ZFPM2: variants seen among roughly 807,000 people sequenced by gnomAD.
The protein encoded by ZFPM2 is zinc finger protein ZFPM2.
In ZFPM2, 20 loss-of-function variants were observed where a neutral mutation model predicts 98.6. The observed-to-expected ratio is 0.20, with a 90% CI of 0.14 to 0.29. The LOEUF is 0.29. Among genes scored for constraint, ZFPM2 ranks in the 10% least tolerant of loss-of-function variants. The pLI, the probability that ZFPM2 is intolerant of heterozygous loss-of-function variation, is 1.00. For missense variants in ZFPM2, 1,310 were observed against 1,388.6 expected (o/e 0.94, Z 0.90); for synonymous variants, 518 against 502.7 (o/e 1.03, Z -0.41).
chr8:105,487,134 A>T (rs1000540844), intron 3 of ZFPM2, among the ~76,000 whole-genome samples: 1 of 152,014 alleles, frequency 6.6e-6, no homozygotes, highest in African/African-American at 2.4e-5. Context: ...TATTTTTGAG[A>T]TAGAGTCTCT....
At chr8:105,655,422 G>A (rs6983902) in intron 5 of ZFPM2, among the ~76,000 whole-genome samples, 72,340 of 151,286 alleles carry the variant, frequency 0.48, 17,570 homozygotes, top group African/African-American at 0.57. Flanking sequence ...GTAGAGACGG[G>A]GTTTCTCCAC....
At chr8:105,535,517 T>C (rs1349787357) in intron 3 of ZFPM2, among the ~76,000 whole-genome samples, 1 of 152,182 alleles carries the variant, frequency 6.6e-6, no homozygotes, top group Non-Finnish European at 1.5e-5. Context: ...TTTTGTTTGC[T>C]TTGGAAACCA....
intron 3 of ZFPM2, among the ~76,000 whole-genome samples, chr8:105,530,854 C>T (rs998554501): frequency 1.3e-5 from 2 of 152,040 alleles, no homozygotes; most frequent in African/African-American, 4.8e-5. Context: ...GTGAGCTCTA[C>T]AATGTAAGGT....
At chr8:105,568,948 A>G (rs891967367) in intron 4 of ZFPM2, among the ~76,000 whole-genome samples, 2 of 151,946 alleles carry the variant, frequency 1.3e-5, no homozygotes, top group African/African-American at 4.8e-5. Flanking sequence ...ACATTTGGTC[A>G]TGCTGTTTTA....
intron 1 of ZFPM2, among the ~76,000 whole-genome samples, chr8:105,343,907 C>T (rs1214937041): frequency 6.6e-6 from 1 of 151,958 alleles, no homozygotes; most frequent in Non-Finnish European, 1.5e-5. Flanking sequence ...CATTGACATA[C>T]CTGAGACTGG....
chr8:105,368,604 T>C (rs189963627), intron 1 of ZFPM2, among the ~76,000 whole-genome samples: 3 of 152,330 alleles, frequency 2.0e-5, no homozygotes, highest in Admixed American at 6.5e-5. Flanking sequence ...TTTCATTATG[T>C]AACTGAATAC....
intron 2 of ZFPM2, among the ~76,000 whole-genome samples, chr8:105,441,456 A>AGAGAGAGAGAGAGAGAG (rs1563659915): frequency 2.2e-5 from 1 of 46,126 alleles, no homozygotes; most frequent in African/African-American, 1.3e-4. Context: ...GAGAGAGAGA[A>AGAGAGAGAGAGAGAGAG]AGAAAGAAAG....
intron 5 of ZFPM2, among the ~76,000 whole-genome samples, chr8:105,725,880 G>A (rs1045825373): frequency 4.0e-5 from 6 of 151,468 alleles, no homozygotes; most frequent in African/African-American, 1.5e-4. Flanking sequence ...GTGGGAAGAG[G>A]GCCATTGGGT....
chr8:105,568,527 A>G (rs1815286652), intron 4 of ZFPM2, among the ~76,000 whole-genome samples: 1 of 152,096 alleles, frequency 6.6e-6, no homozygotes, highest in Non-Finnish European at 1.5e-5. Flanking sequence ...ACATCTTCCA[A>G]GACTCTCCAT....
intron 4 of ZFPM2, among the ~76,000 whole-genome samples, chr8:105,581,967 T>C (rs1815611765): frequency 6.6e-6 from 1 of 152,226 alleles, no homozygotes; most frequent in South Asian, 2.1e-4. Context: ...TCTATTATAG[T>C]GGGGCCTTGA....
chr8:105,702,031 A>G (rs1286718608), intron 5 of ZFPM2, among the ~76,000 whole-genome samples: 1 of 152,202 alleles, frequency 6.6e-6, no homozygotes, highest in Admixed American at 6.5e-5. Flanking sequence ...TTTCACAAAT[A>G]AATTCCAAAC....
intron 1 of ZFPM2, among the ~76,000 whole-genome samples, chr8:105,374,377 G>A (rs1318767765): frequency 6.6e-6 from 1 of 152,028 alleles, no homozygotes; most frequent in African/African-American, 2.4e-5. Context: ...AAACTATTAT[G>A]TTACTTAAGT....
chr8:105,476,494 C>T (rs763136666), intron 3 of ZFPM2, among the ~76,000 whole-genome samples: 10 of 152,048 alleles, frequency 6.6e-5, no homozygotes, highest in Non-Finnish European at 8.8e-5. Context: ...AAAACATGCA[C>T]GAAACCAGCA....
intron 5 of ZFPM2, among the ~76,000 whole-genome samples, chr8:105,706,666 G>A (rs1260327012): frequency 1.3e-5 from 2 of 151,908 alleles, no homozygotes; most frequent in East Asian, 1.9e-4. Flanking sequence ...TGCAACCTCC[G>A]CCTCCCAGGT....
rs568349448 is a variant in ZFPM2 at position 105,703,427 on chromosome 8, G to C, written c.532+69070G>C. On this transcript the variant is annotated intron_variant, in intron 5 of 7. Coordinates refer to ENST00000407775, the MANE Select transcript of ZFPM2 (RefSeq NM_012082.4). ...ACTCACCACTTGGAAGGATTTGGCA[G>C]TAATTCAGTAAAGGAAATTTGCTAG... 2.0e-5 allele frequency among the ~76,000 whole-genome samples: 3 copies of C among 152,284 alleles called. No individual in the cohort carries two copies. The East Asian group carries it at 5.8e-4, about 29-fold the overall frequency.
intron 4 of ZFPM2, among the ~76,000 whole-genome samples, chr8:105,594,379 T>C (rs1815917876): frequency 6.6e-6 from 1 of 152,164 alleles, no homozygotes; most frequent in Admixed American, 6.6e-5. Context: ...CTTTTACTTT[T>C]AATATGGTAG....
intron 4 of ZFPM2, among the ~76,000 whole-genome samples, chr8:105,624,267 C>G (rs966118569): frequency 6.6e-6 from 1 of 152,204 alleles, no homozygotes; most frequent in African/African-American, 2.4e-5. Flanking sequence ...CACTGACACA[C>G]TTTTTGCACA....
chr8:105,457,559 G>C (rs1392563757), intron 3 of ZFPM2, among the ~76,000 whole-genome samples: 2 of 152,186 alleles, frequency 1.3e-5, no homozygotes, highest in Non-Finnish European at 2.9e-5. Flanking sequence ...AGTGTGCAGT[G>C]TGATGCTGGT....
At chr8:105,428,895 A>G (rs1811963670) in intron 2 of ZFPM2, among the ~76,000 whole-genome samples, 2 of 152,206 alleles carry the variant, frequency 1.3e-5, no homozygotes. Context: ...CAGGTTCTGT[A>G]TCAAAGATCT....
Sources: gnomAD v4.1 joint callset for allele counts (sites outside exome capture counted in the v4.1 genomes callset) on GRCh38, gnomAD v4.1.1 for gene constraint, MANE v1.5 for transcripts, NCBI Gene and HGNC (gene_info 2026-07-23, HGNC 2026-07-21) for gene names.